Variants in PLXNA2 observed in about 807,000 individuals in gnomAD.
PLXNA2 encodes plexin-A2.
Under a neutral mutation model 193.5 loss-of-function variants are expected in PLXNA2, and 91 were observed. The observed-to-expected ratio is 0.47, with a 90% CI of 0.40 to 0.56. The LOEUF is 0.56. PLXNA2 is among the 20% of genes least tolerant of loss of function. PLXNA2 has a pLI of 0.00. For missense variants in PLXNA2, 1,995 were observed against 2,503.2 expected, an observed-to-expected ratio of 0.80 and a Z score of 4.33; for synonymous variants, 997 against 1,027.3, an observed-to-expected ratio of 0.97 and a Z score of 0.56.
At chr1:208,241,446 T>TC (rs1672047249) in intron 1 of PLXNA2, among the ~76,000 whole-genome samples, 1 of 152,160 alleles carries the variant, frequency 6.6e-6, no homozygotes, top group African/African-American at 2.4e-5. Flanking sequence ...GCCATACTCT[T>TC]CATTTAGACT....
At chr1:208,107,952 C>G (rs1305540364) in intron 4 of PLXNA2, among the ~76,000 whole-genome samples, 1 of 152,046 alleles carries the variant, frequency 6.6e-6, no homozygotes, top group Admixed American at 6.6e-5. Context: ...GTAATTACAC[C>G]TTTAATGAAT....
chr1:208,144,070 T>A (rs1668536235), intron 3 of PLXNA2, among the ~76,000 whole-genome samples: 1 of 152,170 alleles, frequency 6.6e-6, no homozygotes, highest in Non-Finnish European at 1.5e-5. Context: ...CTGGAAGATT[T>A]TAAGATTAAG....
At chr1:208,219,857 C>T (rs1226355539) in intron 1 of PLXNA2, among the ~76,000 whole-genome samples, 4 of 152,286 alleles carry the variant, frequency 2.6e-5, no homozygotes, top group South Asian at 2.1e-4. Context: ...ACAGCCCTTC[C>T]GGCCCCAGGC....
intron 28 of PLXNA2, 145 bp downstream of exon 28, chr1:208,033,174 G>T: frequency 1.4e-6 from 1 of 735,960 alleles, no homozygotes; most frequent in Non-Finnish European, 2.2e-6. Flanking sequence ...GGGATTATGG[G>T]CATGAGCCAC....
chr1:208,134,408 C>T (rs890361788), intron 4 of PLXNA2, among the ~76,000 whole-genome samples: 1 of 152,100 alleles, frequency 6.6e-6, no homozygotes, highest in Non-Finnish European at 1.5e-5. Flanking sequence ...AGGACTCCGC[C>T]CTTTCTTTGG....
rs11583070 is a variant in PLXNA2 at position 208,024,211 on chromosome 1, C to G, written c.*3032G>C. The G allele has an allele frequency of 0.073, 11,069 of 152,318 alleles. 477 individuals are homozygous for G. The highest frequency in any genetic ancestry group is 0.14 in the Middle Eastern group (42 of 294). 9.4% of individuals were successfully genotyped at this position (152,318 alleles called of 1,614,324 possible). Reference sequence around the variant, plus strand: ...GAGAGACTTCCCTCTCTGCCTCCCCCAAGATGAATGGCTTCTTGTGGAGAG... The same window carrying G: ...GAGAGACTTCCCTCTCTGCCTCCCCGAAGATGAATGGCTTCTTGTGGAGAG... On this transcript the variant is annotated 3_prime_UTR_variant, in exon 32 of 32. Coordinates refer to ENST00000367033, the MANE Select transcript of PLXNA2 (RefSeq NM_025179.4).
chr1:208,207,343 T>C (rs1054350247), intron 3 of PLXNA2, among the ~76,000 whole-genome samples: 2 of 152,256 alleles, frequency 1.3e-5, no homozygotes, highest in Non-Finnish European at 2.9e-5. Flanking sequence ...TTATTCTGTC[T>C]GTTCCTTCCA....
At chr1:208,149,799 A>T (rs1668702603) in intron 3 of PLXNA2, among the ~76,000 whole-genome samples, 1 of 151,890 alleles carries the variant, frequency 6.6e-6, no homozygotes, top group Admixed American at 6.6e-5. Flanking sequence ...TGTCTCTGAG[A>T]CTCTTCCTCC....
At chr1:208,209,963 TG>T (rs1439493681) in intron 3 of PLXNA2, 1 of 212,490 alleles carries the variant, frequency 4.7e-6, no homozygotes, top group Non-Finnish European at 9.2e-6. Context: ...TAGTTTTGCT[TG>T]ATTTGGGAAT....
At chr1:208,104,316 A>T (rs927518524) in intron 4 of PLXNA2, among the ~76,000 whole-genome samples, 10 of 152,232 alleles carry the variant, frequency 6.6e-5, no homozygotes, top group African/African-American at 2.4e-4. Context: ...CTGTTCACTC[A>T]GCAAATGTTT....
intron 4 of PLXNA2, among the ~76,000 whole-genome samples, chr1:208,137,858 T>C (rs939881465): frequency 6.6e-6 from 1 of 152,174 alleles, no homozygotes; most frequent in Non-Finnish European, 1.5e-5. Context: ...AAAACCTCTC[T>C]AGGCAGAATG....
chr1:208,194,460 C>CAAAAAAAAAAAAAAAAAAAAA, intron 3 of PLXNA2, among the ~76,000 whole-genome samples: 1 of 93,986 alleles, frequency 1.1e-5, no homozygotes, highest in Non-Finnish European at 2.2e-5. Flanking sequence ...CAGCTTACTG[C>CAAAAAAAAAAAAAAAAAAAAA]AAAAAAAAAA....
chr1:208,126,420 T>C (rs1402299951), intron 4 of PLXNA2, among the ~76,000 whole-genome samples: 1 of 152,194 alleles, frequency 6.6e-6, no homozygotes, highest in East Asian at 1.9e-4. Context: ...TAGTGGTCCA[T>C]GATCCAATGA....
At chr1:208,160,186 C>T (rs1426382812) in intron 3 of PLXNA2, among the ~76,000 whole-genome samples, 1 of 150,860 alleles carries the variant, frequency 6.6e-6, no homozygotes, top group Non-Finnish European at 1.5e-5. Context: ...TGTTTTTTCT[C>T]TGTCCCTTCT....
chr1:208,067,904 T>C (rs1665848878), intron 12 of PLXNA2, among the ~76,000 whole-genome samples: 1 of 152,192 alleles, frequency 6.6e-6, no homozygotes, highest in African/African-American at 2.4e-5. Flanking sequence ...TTTGACATGC[T>C]GTTCCCTGTG....
chr1:208,066,371 G>C (rs992801650), intron 12 of PLXNA2, among the ~76,000 whole-genome samples: 1 of 152,120 alleles, frequency 6.6e-6, no homozygotes, highest in African/African-American at 2.4e-5. Flanking sequence ...CTCACACTTG[G>C]GACCCCCAGA....
chr1:208,208,257 C>T (rs1481393490), intron 3 of PLXNA2, among the ~76,000 whole-genome samples: 1 of 152,202 alleles, frequency 6.6e-6, no homozygotes, highest in East Asian at 1.9e-4. Flanking sequence ...CCTAGCTGAC[C>T]TCTGTAGCAA....
At chr1:208,057,264 G>A (rs1217976084) in intron 13 of PLXNA2, among the ~76,000 whole-genome samples, 2 of 152,330 alleles carry the variant, frequency 1.3e-5, no homozygotes, top group Middle Eastern at 3.4e-3. Context: ...GGGATGCTAA[G>A]TGACTTATCT....
At chr1:208,120,320 G>A (rs918159504) in intron 4 of PLXNA2, among the ~76,000 whole-genome samples, 6 of 152,228 alleles carry the variant, frequency 3.9e-5, no homozygotes, top group Non-Finnish European at 8.8e-5. Flanking sequence ...AGCCAGACAA[G>A]GGCATGTGGA....
Sources: allele counts gnomAD v4.1 joint callset (sites outside exome capture counted in the v4.1 genomes callset), GRCh38; gene constraint gnomAD v4.1.1; transcripts MANE v1.5; gene names NCBI Gene and HGNC (gene_info 2026-07-23, HGNC 2026-07-21).